TMC2: variants seen among roughly 807,000 people sequenced by gnomAD.
TMC2 encodes the protein transmembrane channel like 2.
A neutral mutation model predicts 105.9 loss-of-function variants in TMC2; 102 were observed. The ratio of observed to expected loss-of-function variants is 0.96; its 90% CI spans 0.82 to 1.14. The LOEUF (loss-of-function observed/expected upper bound fraction) is 1.14. Among genes scored for constraint, TMC2 ranks in the 50% most tolerant of loss-of-function variants. TMC2 has a pLI of 0.00. For missense variants in TMC2, 1,093 were observed against 1,134.3 expected (o/e 0.96, Z 0.52); for synonymous variants, 402 against 422.8 (o/e 0.95, Z 0.60).
At chr20:2,560,298 C>T (rs1242625996) in intron 3 of TMC2, among the ~76,000 whole-genome samples, 2 of 151,788 alleles carry the variant, frequency 1.3e-5, no homozygotes, top group East Asian at 1.9e-4. Context: ...GTGTTCTAGG[C>T]TTTTCAACCT....
At chr20:2,608,605 G>A (rs908378337) in intron 11 of TMC2, among the ~76,000 whole-genome samples, 3 of 152,086 alleles carry the variant, frequency 2.0e-5, no homozygotes, top group Non-Finnish European at 4.4e-5. Context: ...TGGGATTACA[G>A]GCATGACCCA....
intron 2 of TMC2, among the ~76,000 whole-genome samples, chr20:2,557,658 G>C (rs2122823227): frequency 6.6e-6 from 1 of 152,296 alleles, no homozygotes; most frequent in African/African-American, 2.4e-5. Flanking sequence ...AGCCTTCCAA[G>C]TAGCTGGAAT....
chr20:2,577,139 C>G (rs2086152676), intron 5 of TMC2, among the ~76,000 whole-genome samples: 1 of 151,924 alleles, frequency 6.6e-6, no homozygotes, highest in Non-Finnish European at 1.5e-5. Context: ...AACTCCTGCC[C>G]TCAGGTGATC....
intron 7 of TMC2, among the ~76,000 whole-genome samples, chr20:2,590,982 A>G (rs2086264256): frequency 6.6e-6 from 1 of 152,166 alleles, no homozygotes; most frequent in African/African-American, 2.4e-5. Flanking sequence ...TACTGGACAA[A>G]AATAAGACAA....
chr20:2,599,295 T>TAAAA (rs11473820), intron 10 of TMC2, among the ~76,000 whole-genome samples: 170 of 126,808 alleles, frequency 1.3e-3, no homozygotes, highest in Admixed American at 2.3e-3. Context: ...GGGATAATGT[T>TAAAA]AAAAAAAAAA....
At chr20:2,581,475 G>A (rs188040716) in intron 7 of TMC2, among the ~76,000 whole-genome samples, 24 of 152,298 alleles carry the variant, frequency 1.6e-4, no homozygotes, top group Admixed American at 2.6e-4. Flanking sequence ...ACTGTCAAGC[G>A]TACACAAACA....
intron 12 of TMC2, 95 bp downstream of exon 12, chr20:2,610,693 T>A: frequency 1.5e-6 from 1 of 683,950 alleles, no homozygotes; most frequent in Non-Finnish European, 2.0e-6. Context: ...TAATTCATAT[T>A]AATTAAATAA....
At chr20:2,577,261 G>A (rs552067987) in intron 5 of TMC2, among the ~76,000 whole-genome samples, 240 of 151,476 alleles carry the variant, frequency 1.6e-3, no homozygotes, top group African/African-American at 5.5e-3. Flanking sequence ...GGCTGGTTTC[G>A]AACTCATGAC....
intron 4 of TMC2, among the ~76,000 whole-genome samples, chr20:2,571,340 A>C (rs1027944108): frequency 6.6e-6 from 1 of 152,176 alleles, no homozygotes; most frequent in African/African-American, 2.4e-5. Flanking sequence ...GTGGACAAAG[A>C]ATATGAACAA....
intron 4 of TMC2, among the ~76,000 whole-genome samples, chr20:2,563,389 T>C (rs1304049022): frequency 6.6e-6 from 1 of 152,212 alleles, no homozygotes; most frequent in East Asian, 1.9e-4. Context: ...CCAGTGCTGC[T>C]GAGCACCAGA....
chr20:2,631,215 T>C (rs974663817), intron 17 of TMC2, among the ~76,000 whole-genome samples: 1 of 152,234 alleles, frequency 6.6e-6, no homozygotes, highest in African/African-American at 2.4e-5. Flanking sequence ...CTCCATTCCC[T>C]CCACTCTCCT....
intron 2 of TMC2, 55 bp downstream of exon 2, chr20:2,537,371 CT>C: frequency 1.4e-6 from 2 of 1,412,590 alleles, no homozygotes; most frequent in Non-Finnish European, 2.0e-6. Flanking sequence ...GTGCCCTCTG[CT>C]TAGCCCAACA....
At chr20:2,588,226 AGCCCTTGAGAGGCTGAGTGTG>A (rs985264932) in intron 7 of TMC2, among the ~76,000 whole-genome samples, 1 of 152,216 alleles carries the variant, frequency 6.6e-6, no homozygotes, top group African/African-American at 2.4e-5. Context: ...GGAATGTGGG[AGCCCTTGAGAGGCTGAGTGTG>A]GCCGCCATCT....
At chr20:2,546,753 C>T (rs558658789) in intron 2 of TMC2, among the ~76,000 whole-genome samples, 185 of 152,216 alleles carry the variant, frequency 1.2e-3, no homozygotes, top group African/African-American at 4.2e-3. Flanking sequence ...TTTAAGGAAG[C>T]TTTGGGGGCA....
chr20:2,617,451 A>G, intron 16 of TMC2, 140 bp downstream of exon 16: 1 of 1,134,894 alleles, frequency 8.8e-7, no homozygotes, highest in Non-Finnish European at 1.2e-6. Context: ...GATGCCATTT[A>G]AGAGGGTTTT....
chr20:2,584,467 A>G (rs1232404771), intron 7 of TMC2, among the ~76,000 whole-genome samples: 2 of 151,236 alleles, frequency 1.3e-5, no homozygotes, highest in African/African-American at 4.9e-5. Context: ...AAAAGAAAAG[A>G]TATAATGAAT....
At position 2,592,418 on chromosome 20, in the gene TMC2, T is replaced by A. The variant is rs570845091; in HGVS notation, c.933+10T>A. 1.3e-6 allele frequency: 2 copies of A among 1,562,798 alleles called. No individual in the cohort carries two copies. The highest frequency in any genetic ancestry group is 2.7e-5 in the African/African-American group (2 of 74,034). On this transcript the variant is annotated intron_variant, in intron 8 of 19. Transcript: ENST00000358864. The surrounding 1 kb of genome is among the most constrained non-coding windows in gnomAD (Gnocchi z 4.9). ...CCTTTGGGATTTTGAGGTACTATTG[T>A]CAACATGCCAATGAACTTCCATTTG...
At chr20:2,585,008 G>A (rs2086222705) in intron 7 of TMC2, among the ~76,000 whole-genome samples, 1 of 152,050 alleles carries the variant, frequency 6.6e-6, no homozygotes, top group African/African-American at 2.4e-5. Context: ...ACCAATGATT[G>A]ATTTCTGATT....
intron 4 of TMC2, among the ~76,000 whole-genome samples, chr20:2,567,777 A>AG (rs1169609976): frequency 6.6e-6 from 1 of 152,176 alleles, no homozygotes; most frequent in Non-Finnish European, 1.5e-5. Context: ...AAACAGTCTC[A>AG]GAAAAAAAAT....
Sources: gnomAD v4.1 joint callset for allele counts (sites outside exome capture counted in the v4.1 genomes callset) on GRCh38, gnomAD v4.1.1 for gene constraint, Gnocchi (gnomAD v3.1) non-coding constraint, MANE v1.5 for transcripts, NCBI Gene and HGNC (gene_info 2026-07-23, HGNC 2026-07-21) for gene names.